Variants in UBAP2L observed in about 807,000 individuals in gnomAD.
UBAP2L encodes ubiquitin associated protein 2 like, also known as ubiquitin-associated protein 2-like.
A neutral mutation model predicts 130.6 loss-of-function variants in UBAP2L; 12 were observed. The observed-to-expected ratio is 0.09, with a 90% confidence interval of 0.06 to 0.15. The LOEUF is 0.15. UBAP2L is among the 10% of genes least tolerant of loss of function. The pLI is 1.00. For missense variants in UBAP2L, 965 were observed against 1,332.5 expected (o/e 0.72, Z 4.29); for synonymous variants, 503 against 524.7 (o/e 0.96, Z 0.57).
intron 4 of UBAP2L, among the ~76,000 whole-genome samples, chr1:154,233,418 A>G (rs1471954143): frequency 1.3e-5 from 2 of 151,002 alleles, no homozygotes; most frequent in Non-Finnish European, 2.9e-5. Context: ...TCCACCTCCC[A>G]GGTTCAAGCA....
intron 12 of UBAP2L, among the ~76,000 whole-genome samples, chr1:154,250,080 A>ACT (rs1197859307): frequency 2.6e-5 from 4 of 152,146 alleles, no homozygotes; most frequent in Non-Finnish European, 5.9e-5. Flanking sequence ...TTTATGCGAA[A>ACT]CATAAGACAA....
chr1:154,255,811 T>C (rs1194603), intron 18 of UBAP2L, 56 bp downstream of exon 18: 942,722 of 1,578,682 alleles, frequency 0.6, 289,291 homozygotes, highest in East Asian at 0.97. Context: ...ACTGTCCAAC[T>C]GTAAGATTGT....
intron 4 of UBAP2L, among the ~76,000 whole-genome samples, chr1:154,233,583 A>G (rs908494716): frequency 5.4e-5 from 8 of 148,276 alleles, no homozygotes; most frequent in Admixed American, 4.0e-4. Flanking sequence ...TTGGCCTCCC[A>G]AAGTGCTGGG....
At chr1:154,242,166 G>T (rs1157038872) in intron 9 of UBAP2L, among the ~76,000 whole-genome samples, 2 of 152,212 alleles carry the variant, frequency 1.3e-5, no homozygotes, top group Admixed American at 1.3e-4. Context: ...ATTCATTTGA[G>T]TACTACCTGA....
chr1:154,259,227 T>C (rs1209983754), intron 21 of UBAP2L, among the ~76,000 whole-genome samples, 197 bp downstream of exon 21: 1 of 152,118 alleles, frequency 6.6e-6, no homozygotes, highest in African/African-American at 2.4e-5. Context: ...AGTCTTTCTC[T>C]GTCGCTCAAG....
chr1:154,270,209 G>A lies in UBAP2L; in HGVS notation c.3178G>A (p.Gly1060Arg), dbSNP rs746790206. 3 of 1,600,036 alleles carry A rather than the reference G, an allele frequency of 1.9e-6. No individual in the cohort carries two copies. The highest frequency in any genetic ancestry group is 8.5e-7 in the Non-Finnish European group (1 of 1,171,200). ...TCCCATTCCCCTGCAGACGGGCAGC[G>A]GGCAACGTAGCCAGACCAGCTCCAT... ...HLQQDGQTGS[G>R]QRSQTSSIPQ... The change falls in exon 27 of 27, where the codon GGG (glycine) becomes AGG (arginine). Residue 1060 changes from glycine to arginine, a missense_variant. Physicochemically the swap from Gly to Arg is moderately radical, Grantham distance 125. Coordinates refer to ENST00000428931, the MANE Select transcript of UBAP2L (RefSeq NM_014847.4).
At position 154,227,494 on chromosome 1, in the gene UBAP2L, T is replaced by A. The variant is rs545066012; in HGVS notation, c.168+135T>A. 1.1e-4 allele frequency: 77 copies of A among 715,316 alleles called. 2 individuals are homozygous for A. The South Asian group carries it at 1.2e-3, about 11-fold the overall frequency. 44.3% of individuals were successfully genotyped at this position (715,316 alleles called of 1,614,324 possible). A position where few individuals can be genotyped will look rare whatever the true frequency, so the allele number is the denominator to read the frequency against. ...GAATTTTGACCTGAAATATAATAGG[T>A]CAGGCCAATAAATAAGTGCTTTCAT... On this transcript the variant is annotated intron_variant, in intron 3 of 26. Coordinates refer to ENST00000428931, the MANE Select transcript of UBAP2L (RefSeq NM_014847.4).
downstream of UBAP2L, chr1:154,270,907 G>C (rs1212668974): frequency 5.2e-6 from 8 of 1,550,184 alleles, no homozygotes; most frequent in Non-Finnish European, 7.0e-6. Context: ...TCGATGACCA[G>C]CTTGGTGAAT....
chr1:154,270,848 C>T, downstream of UBAP2L: 3 of 1,397,574 alleles, frequency 2.1e-6, no homozygotes, highest in Non-Finnish European at 2.8e-6. Context: ...AAAACCTCTA[C>T]CTTCAGCCTC....
At position 154,234,759 on chromosome 1, in the gene UBAP2L, T is replaced by C. The variant is rs763570821; in HGVS notation, c.448T>C (p.Phe150Leu). Residue 150 changes from phenylalanine to leucine, a missense_variant and splice_region_variant, in exon 5 of 27, where the codon TTT becomes CTT. Phe to Leu is a conservative substitution (Grantham distance 22). Transcript: ENST00000428931. Reference sequence around the variant, plus strand: ...GAGAGGTGCCAGCCGTGGACGAGAGTGTATGCATGGGGCTTTATCAAAACC... The same window carrying C: ...GAGAGGTGCCAGCCGTGGACGAGAGCGTATGCATGGGGCTTTATCAAAACC... ...RGRGASRGREFRGQENGLDGT... is the reference protein window; with the variant it reads ...RGRGASRGRELRGQENGLDGT... 1.3e-6 allele frequency: 2 copies of C among 1,583,608 alleles called. No individual in the cohort carries two copies. The highest frequency in any genetic ancestry group is 1.7e-6 in the Non-Finnish European group (2 of 1,164,276).
At chr1:154,233,388 G>T (rs553947559) in intron 4 of UBAP2L, among the ~76,000 whole-genome samples, 2 of 151,204 alleles carry the variant, frequency 1.3e-5, no homozygotes, top group East Asian at 3.9e-4. Flanking sequence ...GGTGTGGTGC[G>T]ATCTTGCGTC....
rs371087595 is a variant in UBAP2L at position 154,257,069 on chromosome 1, A to T, written c.2164A>T (p.Ser722Cys). Residue 722 changes from serine to cysteine, a missense_variant, in exon 19 of 27, where the codon AGT becomes TGT. Physicochemically the swap from Ser to Cys is moderately radical, Grantham distance 112. Transcript: ENST00000428931. ...ACTGCTCCCCCTTTTGAAGCACACAAGTGTGGAGAGTGAGGCGAATCTCCA... is the reference window on the plus strand; with the variant it reads ...ACTGCTCCCCCTTTTGAAGCACACATGTGTGGAGAGTGAGGCGAATCTCCA... Reference protein sequence around the residue: ...RTSTSTLLHTSVESEANLHSS... With the variant: ...RTSTSTLLHTCVESEANLHSS... 2.7e-5 allele frequency: 43 copies of T among 1,613,270 alleles called. No individual in the cohort carries two copies. The highest frequency in any genetic ancestry group is 3.5e-5 in the Non-Finnish European group (41 of 1,179,996).
intron 14 of UBAP2L, 79 bp downstream of exon 14, chr1:154,251,732 T>C (rs1242561182): frequency 6.5e-7 from 1 of 1,543,122 alleles, no homozygotes; most frequent in Non-Finnish European, 8.8e-7. Flanking sequence ...TCTAGAACTC[T>C]GGAGAGGCCA....
chr1:154,257,541 C>T, intron 20 of UBAP2L, 107 bp downstream of exon 20: 3 of 1,189,914 alleles, frequency 2.5e-6, no homozygotes, highest in Non-Finnish European at 3.6e-6. Flanking sequence ...CTTGCACATA[C>T]TCAAGCCCTG....
In UBAP2L at chr1:154,270,656, G is replaced by T; in HGVS notation, c.*361G>T. Reference sequence around the variant, plus strand: ...CCCCCAAACATATATCAGCCCAACAGCCCTAAGTCTCCTTCTTTATTATTA... The same window carrying T: ...CCCCCAAACATATATCAGCCCAACATCCCTAAGTCTCCTTCTTTATTATTA... On this transcript the variant is annotated 3_prime_UTR_variant, in exon 27 of 27. Coordinates refer to ENST00000428931, the MANE Select transcript of UBAP2L (RefSeq NM_014847.4). The T allele has an allele frequency of 7.1e-7, 1 of 1,408,422 alleles. No homozygotes were observed. The highest frequency in any genetic ancestry group is 1.6e-5 in the South Asian group (1 of 61,912). The allele number at this position is 1,408,422 out of a possible 1,614,324, so 87.2% of individuals were successfully genotyped here. A position where few individuals can be genotyped will look rare whatever the true frequency, so the allele number is the denominator to read the frequency against.
chr1:154,267,297 A>G (rs1683552863), intron 25 of UBAP2L, among the ~76,000 whole-genome samples: 1 of 151,282 alleles, frequency 6.6e-6, no homozygotes, highest in African/African-American at 2.4e-5. Context: ...CTGGGATTAC[A>G]GGTGCCCACC....
At chr1:154,227,390 T>C (rs1571597228) in intron 3 of UBAP2L, 31 bp downstream of exon 3, 2 of 1,564,858 alleles carry the variant, frequency 1.3e-6, no homozygotes, top group South Asian at 2.2e-5. Context: ...CTGTACACTA[T>C]GAGAAAAGAT....
intron 12 of UBAP2L, 39 bp from the exon 13 acceptor site, chr1:154,251,002 T>G: frequency 6.4e-7 from 1 of 1,569,044 alleles, no homozygotes; most frequent in Non-Finnish European, 8.7e-7. Context: ...TGAGATTCAT[T>G]AGCATCTCTG....
chr1:154,231,610 AT>A (rs1669865702), intron 4 of UBAP2L, among the ~76,000 whole-genome samples: 1 of 151,940 alleles, frequency 6.6e-6, no homozygotes, highest in African/African-American at 2.4e-5. Flanking sequence ...CCTGTTTTCT[AT>A]TTCTATGAAT....
Sources: allele counts gnomAD v4.1 joint callset (sites outside exome capture counted in the v4.1 genomes callset), GRCh38; gene constraint gnomAD v4.1.1; transcripts MANE v1.5; gene names NCBI Gene and HGNC (gene_info 2026-07-23, HGNC 2026-07-21).